ZNF532: variants seen among roughly 807,000 people sequenced by gnomAD.
The protein encoded by ZNF532 is zinc finger protein 532.
ZNF532 carries 22 observed loss-of-function variants against 89.3 expected under a neutral mutation model. The observed-to-expected ratio is 0.25, with a 90% CI of 0.18 to 0.35. The LOEUF is 0.35. Ranked by LOEUF, ZNF532 falls within the 10% of genes least tolerant of loss-of-function variation. The pLI, the probability that ZNF532 is intolerant of heterozygous loss-of-function variation, is 1.00. For missense variants in ZNF532, 1,132 were observed against 1,643.4 expected (o/e 0.69, Z 5.38); for synonymous variants, 606 against 649.6 (o/e 0.93, Z 1.02).
chr18:58,932,205 G>A (rs576007842), intron 3 of ZNF532, among the ~76,000 whole-genome samples: 15 of 152,240 alleles, frequency 9.9e-5, no homozygotes, highest in African/African-American at 3.6e-4. Flanking sequence ...CTTCTGTATC[G>A]AAAGTGGGTG....
chr18:58,870,069 GTTGTTT>G (rs1438886657), intron 2 of ZNF532, among the ~76,000 whole-genome samples: 3 of 134,304 alleles, frequency 2.2e-5, no homozygotes, highest in East Asian at 4.4e-4. Flanking sequence ...CCCAGCCCAG[GTTGTTT>G]TTTTTTTTTT....
At chr18:58,884,014 TC>T (rs1412362284) in intron 2 of ZNF532, among the ~76,000 whole-genome samples, 13 of 147,876 alleles carry the variant, frequency 8.8e-5, no homozygotes, top group African/African-American at 3.4e-4. Flanking sequence ...AGTTTTCTCT[TC>T]CATGTTTTCT....
chr18:58,916,644 C>T, intron 2 of ZNF532: 1 of 914,390 alleles, frequency 1.1e-6, no homozygotes, highest in Non-Finnish European at 1.3e-6. Flanking sequence ...CTTCAGCTCC[C>T]ATCGAACCCT....
intron 2 of ZNF532, among the ~76,000 whole-genome samples, chr18:58,878,958 GTC>G (rs1219711540): frequency 1.3e-5 from 2 of 152,204 alleles, no homozygotes; most frequent in Non-Finnish European, 2.9e-5. Flanking sequence ...CAGCTCCTGT[GTC>G]TCCATGTCCT....
intron 5 of ZNF532, among the ~76,000 whole-genome samples, chr18:58,942,239 G>T (rs888790128): frequency 8.0e-5 from 12 of 150,412 alleles, no homozygotes; most frequent in South Asian, 2.1e-4. Context: ...AGCCAGGATG[G>T]TCTCGAACTC....
At position 58,948,182 on chromosome 18, in the gene ZNF532, T is replaced by G; in HGVS notation, c.2821T>G (p.Cys941Gly). Residue 941 changes from cysteine (C) to glycine (G), a missense_variant, in exon 6 of 10, where the codon TGT becomes GGT. Around this residue, in one of 9 missense-constraint regions of ZNF532, gnomAD observed 415 missense variants for 604.8 expected, o/e 0.69. Coordinates refer to ENST00000591808, the MANE Select transcript of ZNF532 (RefSeq NM_001375912.1). ...GGTGTCTGTTTTCAAGTGTCCAGAC[T>G]GTTCTCTTTTATATGCACAGAAGCA... Reference protein sequence around the residue: ...QKVSVFKCPDCSLLYAQKQLM... With the variant: ...QKVSVFKCPDGSLLYAQKQLM... The G allele has an allele frequency of 1.2e-6, 2 of 1,613,992 alleles. No homozygotes were observed. Among genetic ancestry groups the G allele is most frequent in the Non-Finnish European group, 1.7e-6 (2 of 1,179,936 alleles).
chr18:58,919,433 A>G lies in ZNF532; in HGVS notation c.1146A>G (p.Pro382=). Residue 382 remains proline, a synonymous_variant, in exon 3 of 10, where the codon CCA becomes CCG. Transcript: ENST00000591808. This position sits in a 1 kb window ranked among gnomAD's most constrained non-coding sequence, Gnocchi z 6.1. The stretch of plus-strand genomic sequence containing the variant: ...AGAGAACAGTGACCAGGGTATTGCC[A>G]GAAGTGGATCTTGACTCTGGAAAGA... The part of the protein sequence containing the change: ...EIKRTVTRVL[P]EVDLDSGKKP... 1 of 1,614,236 alleles carries G rather than the reference A, an allele frequency of 6.2e-7. No individual in the cohort carries two copies.
At chr18:58,975,315 T>TAA (rs1330218113) in intron 7 of ZNF532, among the ~76,000 whole-genome samples, 2 of 152,202 alleles carry the variant, frequency 1.3e-5, no homozygotes, top group Non-Finnish European at 2.9e-5. Context: ...GCAAGGCAGA[T>TAA]ACCTCGTGGA....
chr18:58,964,911 A>G (rs1281832811), intron 7 of ZNF532, among the ~76,000 whole-genome samples: 3 of 150,164 alleles, frequency 2.0e-5, no homozygotes, highest in African/African-American at 7.3e-5. Flanking sequence ...CTGGCCTATA[A>G]TTTTATTATA....
chr18:58,917,709 T>A (rs1374693609), intron 2 of ZNF532, among the ~76,000 whole-genome samples: 1 of 152,076 alleles, frequency 6.6e-6, no homozygotes, highest in African/African-American at 2.4e-5. Flanking sequence ...TAGGGTTTTT[T>A]TTTTTTAAAA....
chr18:58,955,477 A>G (rs1478014278), intron 7 of ZNF532, among the ~76,000 whole-genome samples: 2 of 152,208 alleles, frequency 1.3e-5, no homozygotes, highest in Non-Finnish European at 2.9e-5. Flanking sequence ...CTATATAGAG[A>G]GTACATAGAA....
At chr18:58,971,382 T>C (rs2066462388) in intron 7 of ZNF532, among the ~76,000 whole-genome samples, 1 of 152,260 alleles carries the variant, frequency 6.6e-6, no homozygotes, top group South Asian at 2.1e-4. Flanking sequence ...GTCTCTATTT[T>C]CTATTGAATG....
At chr18:58,979,001 G>A in intron 7 of ZNF532, 54 bp from the exon 8 acceptor site, 2 of 1,392,458 alleles carry the variant, frequency 1.4e-6, no homozygotes, top group Non-Finnish European at 2.0e-6. Context: ...GTTCTTAATT[G>A]TTTGAGTGCA....
chr18:58,923,925 C>T (rs962320292), intron 3 of ZNF532, among the ~76,000 whole-genome samples: 4 of 151,964 alleles, frequency 2.6e-5, no homozygotes, highest in East Asian at 1.9e-4. Context: ...GGCATGATCT[C>T]GGCTCATGGC....
chr18:58,887,691 C>G (rs2145172028), intron 2 of ZNF532, among the ~76,000 whole-genome samples: 1 of 152,056 alleles, frequency 6.6e-6, no homozygotes, highest in South Asian at 2.1e-4. Flanking sequence ...AACAGAACCC[C>G]CACGCTCACA....
intron 7 of ZNF532, among the ~76,000 whole-genome samples, chr18:58,959,697 C>A (rs1468798470): frequency 1.3e-5 from 2 of 152,118 alleles, no homozygotes; most frequent in African/African-American, 4.8e-5. Context: ...CATCTTCCAG[C>A]GTCAGCTTCA....
At chr18:58,948,418 A>T (rs1415195681) in intron 6 of ZNF532, among the ~76,000 whole-genome samples, 189 bp downstream of exon 6, 1 of 152,202 alleles carries the variant, frequency 6.6e-6, no homozygotes, top group Non-Finnish European at 1.5e-5. Context: ...CTTTTCATTC[A>T]GGAGTCCTGA....
In ZNF532 at chr18:58,985,767, CTTTTTTT is replaced by C. The variant is rs139910618; in HGVS notation, c.*1313_*1319del. 1.7e-5 allele frequency: 2 copies of C among 114,392 alleles called. No homozygotes were observed. Among genetic ancestry groups the C allele is most frequent in the East Asian group, 5.3e-4 (2 of 3,788 alleles). The allele number at this position is 114,392 out of a possible 1,614,324, so 7.1% of individuals were successfully genotyped here. On this transcript the variant is annotated 3_prime_UTR_variant, in exon 10 of 10. Transcript: ENST00000591808. ...ATTTATCCCTGAACATGTTTTGTAC[CTTTTTTT>C]TTTTTTTTTTTAAGAAAAGGAATTC...
intron 2 of ZNF532, among the ~76,000 whole-genome samples, chr18:58,868,577 C>T (rs1046967832): frequency 5.9e-5 from 9 of 152,134 alleles, no homozygotes; most frequent in African/African-American, 1.4e-4. Flanking sequence ...TAGCAAGATG[C>T]GTTTCAGATT....
Sources: gnomAD v4.1 joint callset for allele counts (sites outside exome capture counted in the v4.1 genomes callset) on GRCh38, gnomAD v4.1.1 for gene constraint, gnomAD v4.1.1 regional missense constraint, Gnocchi (gnomAD v3.1) non-coding constraint, MANE v1.5 for transcripts, NCBI Gene and HGNC (gene_info 2026-07-23, HGNC 2026-07-21) for gene names.